The following TSPAN15 variants were observed in gnomAD, a reference collection of about 807,000 sequenced individuals.
The protein encoded by TSPAN15 is tetraspanin 15, also known as tetraspanin-15.
TSPAN15 carries 20 observed loss-of-function variants against 34.5 expected under a neutral mutation model. The observed-to-expected ratio is 0.58, with a 90% CI of 0.41 to 0.84. The LOEUF (loss-of-function observed/expected upper bound fraction) is 0.84. Among genes scored for constraint, TSPAN15 ranks in the 40% least tolerant of loss-of-function variants. The probability of loss-of-function intolerance (pLI) is 0.00; values close to 1 mark genes in which losing one functional copy is unlikely to be tolerated. For synonymous variants in TSPAN15, 155 were observed against 153.9 expected, an observed-to-expected ratio of 1.01 and a Z score of -0.05; for missense variants, 313 against 386.1, an observed-to-expected ratio of 0.81 and a Z score of 1.59.
chr10:69,495,414 G>T, intron 3 of TSPAN15, 180 bp from the exon 4 acceptor site: 1 of 592,936 alleles, frequency 1.7e-6, no homozygotes. Context: ...GGCACGGGGA[G>T]GATGTGTGGG....
At chr10:69,546,441 C>T in the TSPAN15 span, among the ~76,000 whole-genome samples, 6 of 152,222 alleles carry the variant, frequency 3.9e-5, no homozygotes, top group Admixed American at 2.6e-4. Flanking sequence ...TTGACAAATC[C>T]CATGGCCTAT....
rs34169685 is a variant in TSPAN15 at position 69,476,566 on chromosome 10, C to CAAA, written c.97-7112_97-7110dup. The stretch of plus-strand genomic sequence containing the variant: ...AGTGAGACCCTGTCTCAAAGGGTCT[C>CAAA]AAAAAAAAAAAAAAAGTAACAAAAG... On this transcript the variant is annotated intron_variant, in intron 1 of 7. Transcript: ENST00000373290. Among the ~76,000 whole-genome samples the CAAA allele has an allele frequency of 4.6e-3, 450 of 97,332 alleles. 2 individuals are homozygous for CAAA. Among genetic ancestry groups the CAAA allele is most frequent in the African/African-American group, 0.016 (434 of 26,924 alleles). 63.9% of individuals were successfully genotyped at this position (97,332 alleles called of 152,430 possible). A position where few individuals can be genotyped will look rare whatever the true frequency, so the allele number is the denominator to read the frequency against.
the TSPAN15 span, among the ~76,000 whole-genome samples, chr10:69,537,143 G>A: frequency 6.6e-6 from 1 of 152,068 alleles, no homozygotes; most frequent in African/African-American, 2.4e-5. Context: ...GGGGTAGTTG[G>A]GAATTCAATC....
chr10:69,530,191 A>G, the TSPAN15 span, among the ~76,000 whole-genome samples: 4 of 147,722 alleles, frequency 2.7e-5, 1 homozygote, highest in African/African-American at 9.8e-5. Context: ...GAAGGTTCCT[A>G]TGCCTCAGGT....
chr10:69,516,182 A>G, the TSPAN15 span, among the ~76,000 whole-genome samples: 1 of 152,130 alleles, frequency 6.6e-6, no homozygotes, highest in African/African-American at 2.4e-5. Context: ...AGCACATTTC[A>G]TTCTTCATCC....
At chr10:69,532,697 A>G in the TSPAN15 span, among the ~76,000 whole-genome samples, 2 of 152,220 alleles carry the variant, frequency 1.3e-5, no homozygotes, top group African/African-American at 4.8e-5. Flanking sequence ...AATTAAACTA[A>G]AGAGCCTTTG....
chr10:69,481,267 T>A (rs1480606817), intron 1 of TSPAN15, among the ~76,000 whole-genome samples: 1 of 152,220 alleles, frequency 6.6e-6, no homozygotes, highest in African/African-American at 2.4e-5. Flanking sequence ...GTCAGTGTCT[T>A]GAGTCCCTGC....
At chr10:69,479,054 G>A (rs560931797) in intron 1 of TSPAN15, among the ~76,000 whole-genome samples, 218 of 152,294 alleles carry the variant, frequency 1.4e-3, no homozygotes, top group Middle Eastern at 6.8e-3. Context: ...CCATCCATTG[G>A]ACCATCAGTT....
At chr10:69,521,048 G>C in the TSPAN15 span, among the ~76,000 whole-genome samples, 1 of 150,490 alleles carries the variant, frequency 6.6e-6, no homozygotes, top group African/African-American at 2.4e-5. Context: ...GTGTCAACCT[G>C]ACTGGGCTGA....
Position 69,485,186 on chromosome 10 carries a change from G to A in TSPAN15, c.328G>A (p.Gly110Ser), listed in dbSNP as rs35426769. The A allele has an allele frequency of 8.8e-4, 1,423 of 1,614,148 alleles. 2 individuals carry two copies. Among genetic ancestry groups the A allele is most frequent in the Non-Finnish European group, 1.2e-3 (1,372 of 1,180,022 alleles). Residue 110 changes from glycine (G) to serine (S), a missense_variant, in exon 3 of 8, where the codon GGC (glycine) becomes AGC (serine). By Grantham distance (56) the Gly-to-Ser change is moderately conservative. Coordinates refer to ENST00000373290, the MANE Select transcript of TSPAN15 (RefSeq NM_012339.5). Reference protein sequence around the residue: ...GICLIMELIGGVVALTFRNQT... With the variant: ...GICLIMELIGSVVALTFRNQT... ...CTGCCTCATCATGGAGCTCATTGGT[G>A]GCGTGGTGGCCTTGACCTTCCGGAA... is the stretch of plus-strand genomic sequence containing the variant.
chr10:69,505,126 A>G (rs1032901391), intron 6 of TSPAN15, among the ~76,000 whole-genome samples: 3 of 152,216 alleles, frequency 2.0e-5, no homozygotes, highest in Admixed American at 1.3e-4. Flanking sequence ...ACCAATGGCC[A>G]TTTTTATAAC....
intron 1 of TSPAN15, among the ~76,000 whole-genome samples, chr10:69,457,311 G>A (rs1477793027): frequency 6.6e-6 from 1 of 152,184 alleles, no homozygotes; most frequent in Non-Finnish European, 1.5e-5. Context: ...CCTACAAGGC[G>A]AGGATCCAGC....
At position 69,483,927 on chromosome 10, in the gene TSPAN15, C is replaced by T. The variant is rs372939472; in HGVS notation, c.282+51C>T. 1.6e-4 allele frequency: 249 copies of T among 1,570,122 alleles called. No homozygotes were observed. The African/African-American group carries it at 2.4e-3, about 15-fold the overall frequency. On this transcript the variant is annotated intron_variant, in intron 2 of 7. Coordinates refer to ENST00000373290, the MANE Select transcript of TSPAN15 (RefSeq NM_012339.5). The stretch of plus-strand genomic sequence containing the variant: ...CCGGGACTCCCCAGGAGAGCTGGGG[C>T]GCCTGCCCCTGTGCCCTTGGGCAGC...
chr10:69,547,119 T>C, the TSPAN15 span, among the ~76,000 whole-genome samples: 14 of 152,134 alleles, frequency 9.2e-5, no homozygotes, highest in Non-Finnish European at 1.5e-4. Context: ...GGAGAATCTC[T>C]TGAACCTAGA....
Position 69,507,466 on chromosome 10 carries a change from A to T in TSPAN15, c.*488A>T, listed in dbSNP as rs1842357317. ...CAGGTTGGCCTCTTCTCAGCCTCCC[A>T]GGTGCCTTGAGCCCTCTTGCAAGGG... On this transcript the variant is annotated 3_prime_UTR_variant, in exon 8 of 8. Transcript: ENST00000373290. The T allele has an allele frequency of 2.3e-6, 3 of 1,302,340 alleles. No individual in the cohort carries two copies. Among genetic ancestry groups the T allele is most frequent in the Non-Finnish European group, 3.0e-6 (3 of 988,808 alleles). 80.7% of individuals were successfully genotyped at this position (1,302,340 alleles called of 1,614,324 possible).
At chr10:69,474,111 C>T (rs1042728136) in intron 1 of TSPAN15, among the ~76,000 whole-genome samples, 4 of 152,144 alleles carry the variant, frequency 2.6e-5, no homozygotes, top group African/African-American at 9.7e-5. Context: ...CTGAGCCTCA[C>T]ATCCTCGGCT....
chr10:69,495,768 G>A, intron 4 of TSPAN15, 79 bp downstream of exon 4: 1 of 1,021,120 alleles, frequency 9.8e-7, no homozygotes, highest in Admixed American at 1.9e-5. Flanking sequence ...AAGAAGATGG[G>A]GTGAGGGACC....
the TSPAN15 span, among the ~76,000 whole-genome samples, chr10:69,539,937 CA>C: frequency 6.6e-6 from 1 of 150,986 alleles, no homozygotes; most frequent in East Asian, 2.0e-4. Context: ...CACTTTGCTG[CA>C]GGGGGATGCT....
intron 2 of TSPAN15, among the ~76,000 whole-genome samples, chr10:69,484,920 T>G (rs1329860971): frequency 2.0e-5 from 3 of 151,988 alleles, no homozygotes; most frequent in Non-Finnish European, 4.4e-5. Context: ...GACAGCTGAG[T>G]CACTCTTCCT....
Sources: gnomAD v4.1 joint callset for allele counts (sites outside exome capture counted in the v4.1 genomes callset) on GRCh38, gnomAD v4.1.1 for gene constraint, MANE v1.5 for transcripts, NCBI Gene and HGNC (gene_info 2026-07-23, HGNC 2026-07-21) for gene names.